The following HMGB1 variants were observed in gnomAD, a reference collection of about 807,000 sequenced individuals.
HMGB1 encodes the protein high mobility group protein B1.
For synonymous variants in HMGB1, 81 were observed against 84.0 expected (o/e 0.96, Z 0.19); for missense variants, 79 against 253.5 (o/e 0.31, Z 4.67).
In HMGB1 at chr13:30,585,339, AAAAC is replaced by A. The variant is rs1366393186; in HGVS notation, c.-15+31328_-15+31331del. ...CAAAAAAACACAAAAAACAGAAAAC[AAAAC>A]AAACAAACAAAAAAACCCAATGCAT... On this transcript the variant is annotated intron_variant, in intron 1 of 4. Transcript: ENST00000405805. 4.0e-5 allele frequency among the ~76,000 whole-genome samples: 6 copies of A among 151,372 alleles called. No individual in the cohort carries two copies. In the East Asian group the frequency reaches 9.6e-4, roughly 24 times the overall value.
Position 30,505,421 on chromosome 13 carries a change from G to A in HMGB1, c.-14-41727C>T, listed in dbSNP as rs530264110. On this transcript the variant is annotated intron_variant, in intron 1 of 4. Coordinates refer to the HMGB1 transcript ENST00000405805. ...TCTCCATCTCCTGACCTCGTGATCA[G>A]CCCACCTTGACCTCCCAAAGTGCTG... 2.5e-3 allele frequency among the ~76,000 whole-genome samples: 379 copies of A among 149,634 alleles called. 4 individuals carry two copies. The South Asian group carries it at 0.029, about 11-fold the overall frequency.
At chr13:30,556,860 A>G (rs1289382675) in intron 1 of HMGB1, among the ~76,000 whole-genome samples, 2 of 152,220 alleles carry the variant, frequency 1.3e-5, no homozygotes, top group Non-Finnish European at 2.9e-5. Flanking sequence ...AGTTAATAAT[A>G]ATACAATATA....
intron 1 of HMGB1, among the ~76,000 whole-genome samples, chr13:30,564,175 G>C (rs1169752828): frequency 6.6e-6 from 1 of 150,676 alleles, no homozygotes; most frequent in Admixed American, 6.7e-5. Flanking sequence ...GCTCATGCCT[G>C]TAATCCCAGC....
At chr13:30,583,517 G>C (rs1490886711) in intron 1 of HMGB1, among the ~76,000 whole-genome samples, 1 of 120,380 alleles carries the variant, frequency 8.3e-6, no homozygotes, top group East Asian at 2.4e-4. Flanking sequence ...GATGAAGTGA[G>C]ACCTGGTCTC....
intron 1 of HMGB1, among the ~76,000 whole-genome samples, chr13:30,604,197 G>A (rs1355706673): frequency 6.6e-6 from 1 of 152,172 alleles, no homozygotes; most frequent in Non-Finnish European, 1.5e-5. Context: ...GAAGGGATCT[G>A]TAGGCACTTA....
chr13:30,595,694 A>G (rs1000542084), intron 1 of HMGB1, among the ~76,000 whole-genome samples: 1 of 152,120 alleles, frequency 6.6e-6, no homozygotes, highest in Non-Finnish European at 1.5e-5. Flanking sequence ...GAGGGCTTTG[A>G]GGGCTGCACG....
Position 30,478,070 on chromosome 13 carries a change from A to G in HMGB1, c.-14-14376T>C, listed in dbSNP as rs576437963. Among the ~76,000 whole-genome samples the G allele has an allele frequency of 2.6e-5, 4 of 152,366 alleles. No homozygotes were observed. The South Asian group carries it at 8.3e-4, about 32-fold the overall frequency. On this transcript the variant is annotated intron_variant, in intron 1 of 4. Transcript: ENST00000405805. Reference sequence around the variant, plus strand: ...GAGATAGCATGGTTCACTACAGTCTAACATAAGTACTACCAGCAAATTGAT... The same window carrying G: ...GAGATAGCATGGTTCACTACAGTCTGACATAAGTACTACCAGCAAATTGAT...
intron 1 of HMGB1, among the ~76,000 whole-genome samples, chr13:30,488,053 T>A (rs7330209): frequency 6.6e-6 from 1 of 152,026 alleles, no homozygotes; most frequent in Non-Finnish European, 1.5e-5. Context: ...AAAGAAACAA[T>A]TTTTTTCTAA....
intron 2 of HMGB1, 46 bp from the exon 3 acceptor site, chr13:30,463,398 A>G: frequency 1.9e-6 from 3 of 1,559,166 alleles, no homozygotes; most frequent in Non-Finnish European, 2.6e-6. Flanking sequence ...ATTTAAGTAA[A>G]TTATCCTCAA....
intron 1 of HMGB1, among the ~76,000 whole-genome samples, chr13:30,561,083 A>C (rs748062951): frequency 9.9e-5 from 15 of 152,182 alleles, no homozygotes; most frequent in Non-Finnish European, 1.8e-4. Flanking sequence ...TTTATAATTC[A>C]TACTGAATTC....
intron 1 of HMGB1, chr13:30,464,654 C>T: frequency 1.0e-6 from 1 of 983,664 alleles, no homozygotes; most frequent in Non-Finnish European, 1.2e-6. Flanking sequence ...CTGGCTCCGC[C>T]CGCGGCCGCC....
chr13:30,600,789 C>T (rs1950390886), intron 1 of HMGB1, among the ~76,000 whole-genome samples: 2 of 152,200 alleles, frequency 1.3e-5, no homozygotes, highest in South Asian at 4.1e-4. Context: ...CACTTCTGGT[C>T]CCAAACATTT....
At chr13:30,475,424 G>A (rs1887072140) in intron 1 of HMGB1, among the ~76,000 whole-genome samples, 1 of 150,930 alleles carries the variant, frequency 6.6e-6, no homozygotes, top group African/African-American at 2.4e-5. Flanking sequence ...TGTTGCCTGG[G>A]CTGGTCTTGA....
chr13:30,489,515 A>G (rs913487872), intron 1 of HMGB1, among the ~76,000 whole-genome samples: 2 of 152,152 alleles, frequency 1.3e-5, no homozygotes, highest in Non-Finnish European at 2.9e-5. Flanking sequence ...TTTTTAACTT[A>G]CTCATTTTAA....
intron 1 of HMGB1, among the ~76,000 whole-genome samples, chr13:30,530,520 C>T (rs934288499): frequency 2.0e-5 from 3 of 152,070 alleles, no homozygotes; most frequent in African/African-American, 7.2e-5. Context: ...TACTAGTTCC[C>T]CTGTAGGAAT....
At chr13:30,527,757 C>T (rs1011936674) in intron 1 of HMGB1, among the ~76,000 whole-genome samples, 3 of 152,080 alleles carry the variant, frequency 2.0e-5, no homozygotes, top group Admixed American at 1.3e-4. Context: ...TATTCCTGCT[C>T]CCAGAGAAGG....
chr13:30,515,277 G>A (rs1222792599), intron 1 of HMGB1, among the ~76,000 whole-genome samples: 2 of 152,208 alleles, frequency 1.3e-5, no homozygotes, highest in Non-Finnish European at 2.9e-5. Flanking sequence ...ACCTGAATGA[G>A]CTTGGAAGTG....
intron 1 of HMGB1, among the ~76,000 whole-genome samples, chr13:30,581,966 T>C (rs1870918686): frequency 6.6e-6 from 1 of 152,176 alleles, no homozygotes; most frequent in South Asian, 2.1e-4. Context: ...TTTATGATTA[T>C]CTGATAGAAT....
chr13:30,464,043 C>G (rs1886537951), intron 1 of HMGB1: 1 of 939,814 alleles, frequency 1.1e-6, no homozygotes, highest in Non-Finnish European at 1.3e-6. Flanking sequence ...TTAAACCAAC[C>G]AAACCAAAGG....
Sources: allele counts gnomAD v4.1 joint callset (sites outside exome capture counted in the v4.1 genomes callset), GRCh38; gene constraint gnomAD v4.1.1; transcripts MANE v1.5; gene names NCBI Gene and HGNC (gene_info 2026-07-23, HGNC 2026-07-21).